C11orf65: variants seen among roughly 807,000 people sequenced by gnomAD.
The protein encoded by C11orf65 is chromosome 11 open reading frame 65.
A neutral mutation model predicts 35.3 loss-of-function variants in C11orf65; 38 were observed. The observed-to-expected ratio is 1.08, with a 90% confidence interval of 0.83 to 1.41. The LOEUF (loss-of-function observed/expected upper bound fraction) is 1.41, where lower values mean the gene tolerates loss of function less well. Among genes scored for constraint, C11orf65 ranks in the 40% most tolerant of loss-of-function variants. The pLI, the probability that C11orf65 is intolerant of heterozygous loss-of-function variation, is 0.00. For synonymous variants in C11orf65, 105 were observed against 114.4 expected (o/e 0.92, Z 0.53); for missense variants, 370 against 367.1 (o/e 1.01, Z -0.06).
intron 6 of C11orf65, among the ~76,000 whole-genome samples, chr11:108,401,957 G>C (rs1190730009): frequency 6.6e-6 from 1 of 152,112 alleles, no homozygotes; most frequent in African/African-American, 2.4e-5. Context: ...CAGTAAGTTC[G>C]GCCCAGCCAA....
chr11:108,468,284 A>C (rs974911482), upstream of C11orf65, among the ~76,000 whole-genome samples: 2 of 152,240 alleles, frequency 1.3e-5, no homozygotes, highest in African/African-American at 2.4e-5. Flanking sequence ...CAGCTGGTTA[A>C]GCTAAACTGC....
rs190087169 is a variant in C11orf65, at chr11:108,422,989, T to C, written c.174+8757A>G. Among the ~76,000 whole-genome samples, 77 of 152,162 alleles carry C rather than the reference T, an allele frequency of 5.1e-4. 1 individual carries two copies. Among genetic ancestry groups the C allele is most frequent in the African/African-American group, 1.8e-3 (76 of 41,500 alleles). On this transcript the variant is annotated intron_variant, in intron 3 of 8. Transcript: ENST00000393084. ...GCAAATCAATAAATCTTGTATAATA[T>C]GAGAATATTTTTATAACCTTGGAGT...
At chr11:108,443,521 C>T (rs2093195546) in intron 2 of C11orf65, among the ~76,000 whole-genome samples, 1 of 152,200 alleles carries the variant, frequency 6.6e-6, no homozygotes, top group South Asian at 2.1e-4. Flanking sequence ...AGAGAATATA[C>T]ATTTTTACAG....
chr11:108,386,126 TAG>T (rs1225751401), intron 7 of C11orf65, 151 bp from the exon 8 acceptor site: 12 of 663,898 alleles, frequency 1.8e-5, no homozygotes, highest in African/African-American at 3.6e-5. Flanking sequence ...TCTCACCTTC[TAG>T]TAGCTCACAT....
intron 3 of C11orf65, among the ~76,000 whole-genome samples, chr11:108,430,164 T>C (rs1408709209): frequency 1.3e-5 from 2 of 148,622 alleles, no homozygotes; most frequent in Non-Finnish European, 3.0e-5. Context: ...AGTCTTGCTC[T>C]GTCGCCCAGG....
intron 6 of C11orf65, among the ~76,000 whole-genome samples, chr11:108,316,394 A>C (rs1168253758): frequency 1.3e-5 from 2 of 152,156 alleles, no homozygotes; most frequent in African/African-American, 2.4e-5. Context: ...ACAACAGAAG[A>C]CATTGCTCGA....
At chr11:108,350,807 A>T (rs1218591188) in intron 2 of C11orf65, among the ~76,000 whole-genome samples, 1 of 152,186 alleles carries the variant, frequency 6.6e-6, no homozygotes, top group Non-Finnish European at 1.5e-5. Context: ...ACCTGAGTCC[A>T]TTCAGGTCGT....
chr11:108,362,391 C>A (rs917539325), intron 2 of C11orf65, among the ~76,000 whole-genome samples: 3 of 151,748 alleles, frequency 2.0e-5, no homozygotes, highest in Non-Finnish European at 2.9e-5. Flanking sequence ...GTCAGTGTGG[C>A]GATTCCTCAG....
Position 108,444,137 on chromosome 11 carries a change from T to C in C11orf65, c.82-12299A>G, listed in dbSNP as rs552035118. Among the ~76,000 whole-genome samples the C allele has an allele frequency of 2.5e-3, 383 of 152,054 alleles. 2 individuals are homozygous for C. Among genetic ancestry groups the C allele is most frequent in the African/African-American group, 8.8e-3 (367 of 41,478 alleles). On this transcript the variant is annotated intron_variant, in intron 2 of 8. Transcript: ENST00000393084. ...ACGCAATAAAAAATGATAAAGGGGA[T>C]ATCACCACCGATCCCACAGAAATAC...
At chr11:108,359,512 C>T (rs568849417) in intron 2 of C11orf65, among the ~76,000 whole-genome samples, 8,552 of 151,884 alleles carry the variant, frequency 0.056, 772 homozygotes, top group African/African-American at 0.19. Flanking sequence ...AGCACCACAC[C>T]ACACCTATTC....
chr11:108,368,965 GT>G (rs1380046674), intron 2 of C11orf65: 1 of 188,786 alleles, frequency 5.3e-6, no homozygotes, highest in African/African-American at 2.3e-5. Flanking sequence ...ATAGAGATGT[GT>G]CCCAATTTCA....
intron 2 of C11orf65, among the ~76,000 whole-genome samples, chr11:108,432,433 G>A (rs547220213): frequency 3.3e-5 from 5 of 152,260 alleles, no homozygotes; most frequent in East Asian, 1.9e-4. Flanking sequence ...TCCCACTGAT[G>A]TATTACAGGA....
chr11:108,346,093 C>T (rs2088351449), intron 2 of C11orf65, among the ~76,000 whole-genome samples: 1 of 152,020 alleles, frequency 6.6e-6, no homozygotes, highest in Non-Finnish European at 1.5e-5. Context: ...TTAGTGTCTA[C>T]CTTTTTATAA....
In C11orf65 at chr11:108,450,105, A is replaced by G. The variant is rs138985966; in HGVS notation, c.81+11374T>C. On this transcript the variant is annotated intron_variant, in intron 2 of 8. Coordinates refer to ENST00000393084, the MANE Select transcript of C11orf65 (RefSeq NM_152587.5). ...GAGATACCATCTCATACCAGTTAGA[A>G]TGGCGATCATTAAAAAGTCAGGAAA... is the stretch of plus-strand genomic sequence containing the variant. 1.7e-3 allele frequency among the ~76,000 whole-genome samples: 259 copies of G among 152,134 alleles called. 4 individuals are homozygous for G. The highest frequency in any genetic ancestry group is 0.011 in the East Asian group (59 of 5,180).
downstream of C11orf65, chr11:108,330,422 G>C (rs1591161831): frequency 6.2e-7 from 1 of 1,614,032 alleles, no homozygotes; most frequent in Admixed American, 1.7e-5. Context: ...CATGATGAAG[G>C]CAAGTGTTAC....
chr11:108,403,491 G>A (rs918448748), intron 6 of C11orf65, among the ~76,000 whole-genome samples: 8 of 132,492 alleles, frequency 6.0e-5, no homozygotes, highest in Non-Finnish European at 9.4e-5. Flanking sequence ...GTTTTATCCC[G>A]GTCTATGGCT....
chr11:108,398,771 C>T (rs2092375323), intron 6 of C11orf65, among the ~76,000 whole-genome samples: 2 of 152,204 alleles, frequency 1.3e-5, no homozygotes, highest in African/African-American at 4.8e-5. Flanking sequence ...TTAATAGGTC[C>T]CCTATTAGAG....
downstream of C11orf65, among the ~76,000 whole-genome samples, chr11:108,379,602 T>TG (rs1180079873): frequency 6.6e-6 from 1 of 151,344 alleles, no homozygotes; most frequent in East Asian, 1.9e-4. Context: ...ATTGTGCACA[T>TG]GTACCCTAAA....
rs527831239 is a variant in C11orf65 at position 108,421,992 on chromosome 11, C to T, written c.174+9754G>A. Among the ~76,000 whole-genome samples the T allele has an allele frequency of 3.7e-4, 56 of 152,210 alleles. 1 individual carries two copies. The highest frequency in any genetic ancestry group is 1.2e-3 in the East Asian group (6 of 5,170). On this transcript the variant is annotated intron_variant, in intron 3 of 8. Transcript: ENST00000393084. ...TGTCACCCGGGTTGGTGTGCAGTGG[C>T]GCAATCTCGGCTTGCTGCAACCTCT... is the stretch of plus-strand genomic sequence containing the variant.
Sources: allele counts gnomAD v4.1 joint callset (sites outside exome capture counted in the v4.1 genomes callset), GRCh38; gene constraint gnomAD v4.1.1; transcripts MANE v1.5; gene names NCBI Gene and HGNC (gene_info 2026-07-23, HGNC 2026-07-21).